The following MAP4K3 variants were observed in gnomAD, a reference collection of about 807,000 sequenced individuals.
MAP4K3 encodes MAPK/ERK kinase kinase kinase 3.
MAP4K3 carries 94 observed loss-of-function variants against 143.5 expected under a neutral mutation model. The ratio of observed to expected loss-of-function variants is 0.65; its 90% CI spans 0.55 to 0.78. MAP4K3 has a LOEUF of 0.78. Ranked by LOEUF, MAP4K3 falls within the 30% of genes least tolerant of loss-of-function variation. The probability of loss-of-function intolerance (pLI) is 0.00; values close to 1 mark genes in which losing one functional copy is unlikely to be tolerated. For missense variants in MAP4K3, 1,077 were observed against 1,068.1 expected, an observed-to-expected ratio of 1.01 and a Z score of -0.12; for synonymous variants, 416 against 347.2, an observed-to-expected ratio of 1.20 and a Z score of -2.20.
At chr2:39,332,715 A>G (rs1683720889) in intron 7 of MAP4K3, among the ~76,000 whole-genome samples, 1 of 152,072 alleles carries the variant, frequency 6.6e-6, no homozygotes, top group East Asian at 1.9e-4. Context: ...GATAACTAAA[A>G]AGAACAGGAC....
At chr2:39,304,126 G>A (rs1205966410) in intron 15 of MAP4K3, among the ~76,000 whole-genome samples, 1 of 148,288 alleles carries the variant, frequency 6.7e-6, no homozygotes, top group African/African-American at 2.5e-5. Flanking sequence ...CTATTCTTCT[G>A]GCTTCATATA....
chr2:39,298,435 C>T (rs1034229000), intron 16 of MAP4K3, among the ~76,000 whole-genome samples: 1 of 151,922 alleles, frequency 6.6e-6, no homozygotes, highest in Non-Finnish European at 1.5e-5. Flanking sequence ...TAAATAAAAA[C>T]TAATATATTT....
At chr2:39,370,630 C>T (rs1019277055) in intron 2 of MAP4K3, among the ~76,000 whole-genome samples, 1 of 152,172 alleles carries the variant, frequency 6.6e-6, no homozygotes, top group African/African-American at 2.4e-5. Context: ...TACAATTTAA[C>T]GCATGTTGCT....
intron 1 of MAP4K3, among the ~76,000 whole-genome samples, chr2:39,399,033 C>A (rs573089137): frequency 1.7e-4 from 24 of 141,050 alleles, no homozygotes; most frequent in Admixed American, 6.4e-4. Flanking sequence ...CAAAGCAAGA[C>A]TCTGTCTCGT....
intron 24 of MAP4K3, among the ~76,000 whole-genome samples, chr2:39,277,301 T>C (rs1241912949): frequency 2.0e-5 from 3 of 152,258 alleles, no homozygotes; most frequent in Non-Finnish European, 4.4e-5. Flanking sequence ...TATGCCATCA[T>C]GCTTATCCTG....
chr2:39,381,913 C>A (rs1442065450), intron 1 of MAP4K3, among the ~76,000 whole-genome samples: 2 of 152,160 alleles, frequency 1.3e-5, no homozygotes, highest in African/African-American at 2.4e-5. Context: ...TGGCCCTGGT[C>A]TCACACCTTA....
At chr2:39,349,429 C>A (rs1047247174) in intron 3 of MAP4K3, among the ~76,000 whole-genome samples, 1 of 152,224 alleles carries the variant, frequency 6.6e-6, no homozygotes, top group African/African-American at 2.4e-5. Flanking sequence ...TAATAATCCC[C>A]CAGTGTTCAG....
At chr2:39,396,584 C>T (rs1666812893) in intron 1 of MAP4K3, among the ~76,000 whole-genome samples, 1 of 151,480 alleles carries the variant, frequency 6.6e-6, no homozygotes, top group Admixed American at 6.6e-5. Flanking sequence ...CGCCATTCTC[C>T]TGCCTCAGCC....
intron 16 of MAP4K3, among the ~76,000 whole-genome samples, chr2:39,298,982 A>C (rs78466526): frequency 3.2e-4 from 48 of 150,900 alleles, no homozygotes; most frequent in East Asian, 3.1e-3. Flanking sequence ...AAAAAAAAAA[A>C]GGAATTTTAA....
intron 28 of MAP4K3, among the ~76,000 whole-genome samples, chr2:39,262,317 G>GGCT (rs1386166337): frequency 6.6e-6 from 1 of 152,132 alleles, no homozygotes; most frequent in Non-Finnish European, 1.5e-5. Context: ...CTTTCCCTGT[G>GGCT]GCTGCTAAAG....
intron 15 of MAP4K3, among the ~76,000 whole-genome samples, chr2:39,300,603 G>A (rs1391300174): frequency 1.3e-5 from 2 of 152,094 alleles, no homozygotes; most frequent in Admixed American, 1.3e-4. Context: ...AACCATTAAG[G>A]GGGAATATTT....
intron 1 of MAP4K3, among the ~76,000 whole-genome samples, chr2:39,412,522 T>C (rs1325977825): frequency 5.0e-5 from 2 of 40,064 alleles, no homozygotes; most frequent in African/African-American, 1.7e-4. Context: ...ACCTAGATGA[T>C]ATGATAGAAT....
At position 39,285,669 on chromosome 2, in the gene MAP4K3, T is replaced by C. The variant is rs1681741222; in HGVS notation, c.1587+1183A>G. Among the ~76,000 whole-genome samples, 3 of 152,318 alleles carry C rather than the reference T, an allele frequency of 2.0e-5. No individual in the cohort carries two copies. In the South Asian group the frequency reaches 6.2e-4, roughly 32 times the overall value. On this transcript the variant is annotated intron_variant, in intron 21 of 33. Transcript: ENST00000263881. ...GATATAGCACAAAAGACTCTAGTGA[T>C]GTGCTTACTGCAGAAACCATAGCAT... is the stretch of plus-strand genomic sequence containing the variant.
At chr2:39,321,893 C>T (rs1212200649) in intron 12 of MAP4K3, among the ~76,000 whole-genome samples, 1 of 152,186 alleles carries the variant, frequency 6.6e-6, no homozygotes, top group Non-Finnish European at 1.5e-5. Context: ...CTGACCCTCT[C>T]CCCACTATTG....
chr2:39,298,106 C>G (rs1281994012), intron 16 of MAP4K3, among the ~76,000 whole-genome samples: 1 of 151,856 alleles, frequency 6.6e-6, no homozygotes, highest in African/African-American at 2.4e-5. Context: ...TTAAAATACA[C>G]TAAAATTTAC....
At chr2:39,376,376 A>T (rs1324128164) in intron 2 of MAP4K3, among the ~76,000 whole-genome samples, 1 of 151,788 alleles carries the variant, frequency 6.6e-6, no homozygotes, top group Non-Finnish European at 1.5e-5. Context: ...AATGATTTTT[A>T]TTTTTTTCCT....
At chr2:39,302,118 AAAGT>A (rs1331926920) in intron 15 of MAP4K3, among the ~76,000 whole-genome samples, 3 of 152,174 alleles carry the variant, frequency 2.0e-5, no homozygotes, top group Admixed American at 6.5e-5. Context: ...TAAAATAACT[AAAGT>A]AATATATTAA....
Position 39,272,522 on chromosome 2 carries a change from T to C in MAP4K3, c.1815A>G (p.Thr605=). Residue 605 remains threonine, a synonymous_variant, in exon 25 of 34, where the codon ACA becomes ACG. Coordinates refer to ENST00000263881, the MANE Select transcript of MAP4K3 (RefSeq NM_003618.4). Reference sequence around the variant, plus strand: ...AGCAATTGTTCATTACATACAACCATGTACACCTTCGAGGGAATAGCTGAT... The same window carrying C: ...AGCAATTGTTCATTACATACAACCACGTACACCTTCGAGGGAATAGCTGAT... ...SMEQLFPRRC[T]WLYVMNNCLL... is the part of the protein sequence containing the mutation. 2.5e-6 allele frequency: 4 copies of C among 1,613,408 alleles called. No homozygotes were observed. The highest frequency in any genetic ancestry group is 3.4e-6 in the Non-Finnish European group (4 of 1,179,604).
intron 13 of MAP4K3, among the ~76,000 whole-genome samples, chr2:39,311,008 T>C (rs1682920043): frequency 6.6e-6 from 1 of 152,196 alleles, no homozygotes; most frequent in Non-Finnish European, 1.5e-5. Context: ...ATTAACAAAA[T>C]TATATGTGTG....
Sources: gnomAD v4.1 joint callset for allele counts (sites outside exome capture counted in the v4.1 genomes callset) on GRCh38, gnomAD v4.1.1 for gene constraint, MANE v1.5 for transcripts, NCBI Gene and HGNC (gene_info 2026-07-23, HGNC 2026-07-21) for gene names.